The following OSBPL6 variants were observed in gnomAD, a reference collection of about 807,000 sequenced individuals.
OSBPL6 encodes oxysterol-binding protein-related protein 6.
OSBPL6 carries 49 observed loss-of-function variants against 125.8 expected under a neutral mutation model. That is an observed-to-expected ratio of 0.39 (90% CI 0.31 to 0.49). OSBPL6 has a LOEUF of 0.49. OSBPL6 is among the 20% of genes least tolerant of loss of function. The pLI, the probability that OSBPL6 is intolerant of heterozygous loss-of-function variation, is 0.88. For synonymous variants in OSBPL6, 394 were observed against 391.8 expected, an observed-to-expected ratio of 1.01 and a Z score of -0.07; for missense variants, 986 against 1,135.4, an observed-to-expected ratio of 0.87 and a Z score of 1.89.
chr2:178,210,812 C>CA (rs753869824), intron 1 of OSBPL6, among the ~76,000 whole-genome samples: 2,081 of 134,752 alleles, frequency 0.015, 22 homozygotes, highest in Non-Finnish European at 0.021. Context: ...GACAATGTTT[C>CA]AAAAAAAAAA....
intron 11 of OSBPL6, among the ~76,000 whole-genome samples, chr2:178,348,987 T>C (rs1415702877): frequency 6.6e-6 from 1 of 152,212 alleles, no homozygotes; most frequent in African/African-American, 2.4e-5. Flanking sequence ...TCTATAGTTA[T>C]TTCTCTCTGT....
Position 178,324,215 on chromosome 2 carries a change from C to T in OSBPL6, c.141C>T (p.Thr47=), listed in dbSNP as rs139099797. The change falls in exon 4 of 25, where the codon ACC becomes ACT. Residue 47 remains threonine, a synonymous_variant. Transcript: ENST00000190611. ...HILERTASSS[T]EPSVSRQLLE... ...TGGAGAGGACTGCTTCCTCTAGCACCGAGCCCTCTGTAAGTCGGCAATTGC... is the reference window on the plus strand; with the variant it reads ...TGGAGAGGACTGCTTCCTCTAGCACTGAGCCCTCTGTAAGTCGGCAATTGC... The T allele has an allele frequency of 2.1e-5, 33 of 1,582,848 alleles. No individual in the cohort carries two copies. The highest frequency in any genetic ancestry group is 3.3e-4 in the Middle Eastern group (2 of 6,022).
At chr2:178,282,076 A>G (rs2154031213) in intron 1 of OSBPL6, among the ~76,000 whole-genome samples, 1 of 152,340 alleles carries the variant, frequency 6.6e-6, no homozygotes, top group Middle Eastern at 3.4e-3. Context: ...CCTGACACAA[A>G]TAGAACTGAC....
At chr2:178,234,944 C>G (rs2090986743) in intron 1 of OSBPL6, among the ~76,000 whole-genome samples, 1 of 152,108 alleles carries the variant, frequency 6.6e-6, no homozygotes, top group South Asian at 2.1e-4. Flanking sequence ...TCTTGTTCTG[C>G]CTTGTCTGTG....
chr2:178,289,863 A>G (rs1306909969), intron 2 of OSBPL6, among the ~76,000 whole-genome samples: 1 of 152,188 alleles, frequency 6.6e-6, no homozygotes, highest in African/African-American at 2.4e-5. Flanking sequence ...TGGAAGTTAG[A>G]TCAAGAGGCT....
At chr2:178,357,174 A>T (rs535995190) in intron 12 of OSBPL6, among the ~76,000 whole-genome samples, 3 of 152,266 alleles carry the variant, frequency 2.0e-5, no homozygotes, top group Non-Finnish European at 4.4e-5. Flanking sequence ...GGACATAGGC[A>T]TGGGCAAGGA....
intron 2 of OSBPL6, among the ~76,000 whole-genome samples, chr2:178,299,970 G>C (rs1346422200): frequency 6.6e-6 from 1 of 152,116 alleles, no homozygotes; most frequent in African/African-American, 2.4e-5. Flanking sequence ...TTCTAATGAG[G>C]TTCCTCCAAA....
chr2:178,226,828 G>T (rs1255417585), intron 1 of OSBPL6, among the ~76,000 whole-genome samples: 1 of 152,126 alleles, frequency 6.6e-6, no homozygotes, highest in African/African-American at 2.4e-5. Flanking sequence ...AGAAAGAGAA[G>T]ATTTCTTAAG....
At position 178,383,129 on chromosome 2, in the gene OSBPL6, G is replaced by A; in HGVS notation, c.1727G>A (p.Arg576Lys). 6.2e-7 allele frequency: 1 copy of A among 1,614,170 alleles called. No individual in the cohort carries two copies. Among genetic ancestry groups the A allele is most frequent in the African/African-American group, 1.3e-5 (1 of 75,036 alleles). The change falls in exon 17 of 25, where the codon AGG becomes AAG. Residue 576 changes from arginine to lysine, a missense_variant. Arg to Lys is a conservative substitution (Grantham distance 26). Coordinates refer to ENST00000190611, the MANE Select transcript of OSBPL6 (RefSeq NM_032523.4). ...AACATTAACCTGTGGAATATCTTGA[G>A]GAACAACATTGGTAAAGACCTGTCT... ...TSNINLWNIL[R>K]NNIGKDLSKV...
chr2:178,365,733 A>T (rs1052545530), intron 13 of OSBPL6, among the ~76,000 whole-genome samples: 3 of 152,196 alleles, frequency 2.0e-5, no homozygotes, highest in Non-Finnish European at 2.9e-5. Flanking sequence ...ACACAAAAAC[A>T]TATATAATTC....
At chr2:178,361,067 T>C (rs552490351) in intron 12 of OSBPL6, among the ~76,000 whole-genome samples, 1 of 152,360 alleles carries the variant, frequency 6.6e-6, no homozygotes, top group South Asian at 2.1e-4. Flanking sequence ...GAGGGGGTGT[T>C]GTTTTTATTG....
intron 1 of OSBPL6, among the ~76,000 whole-genome samples, chr2:178,228,051 G>A (rs1384555139): frequency 6.6e-6 from 1 of 152,148 alleles, no homozygotes; most frequent in Admixed American, 6.6e-5. Flanking sequence ...ACTAGGACAA[G>A]TGGAAAAGAA....
chr2:178,208,310 G>C lies in OSBPL6; in HGVS notation c.-351+13636G>C, dbSNP rs1455754378. On this transcript the variant is annotated intron_variant, in intron 1 of 24. Transcript: ENST00000190611. Reference sequence around the variant, plus strand: ...AAAAAAAAAAAAAAAGAAAAAGAAAGAAAGAAACAAAGTGCCATCCAATAG... The same window carrying C: ...AAAAAAAAAAAAAAAGAAAAAGAAACAAAGAAACAAAGTGCCATCCAATAG... Among the ~76,000 whole-genome samples, 5 of 148,668 alleles carry C rather than the reference G, an allele frequency of 3.4e-5. No homozygotes were observed. In the East Asian group the frequency reaches 9.9e-4, roughly 29 times the overall value.
At position 178,349,383 on chromosome 2, in the gene OSBPL6, C is replaced by T. The variant is rs1271454176; in HGVS notation, c.1147C>T (p.Gln383Ter). Reference protein sequence around the residue: ...KLQEEFCLIAQKVHSLLKSAF... With the variant: ...KLQEEFCLIA ...GCAAGAAGAATTTTGTCTAATCGCA[C>T]AGAAAGGTAAGAACAAAAATAATGC... The change falls in exon 12 of 25, where the codon CAG (glutamine) becomes TAG (stop). Residue 383 changes from glutamine (Q) to a stop codon, truncating the protein, a stop_gained. Transcript: ENST00000190611. LOFTEE classifies it high-confidence loss of function. 6.2e-7 allele frequency: 1 copy of T among 1,614,020 alleles called. No homozygotes were observed. The highest frequency in any genetic ancestry group is 8.5e-7 in the Non-Finnish European group (1 of 1,179,956).
chr2:178,276,176 A>G (rs1278030299), intron 1 of OSBPL6, among the ~76,000 whole-genome samples: 1 of 152,134 alleles, frequency 6.6e-6, no homozygotes, highest in African/African-American at 2.4e-5. Flanking sequence ...AAATTTACCA[A>G]TCCCCTAGGC....
chr2:178,235,767 G>T (rs973856694), intron 1 of OSBPL6, among the ~76,000 whole-genome samples: 4 of 152,026 alleles, frequency 2.6e-5, no homozygotes, highest in African/African-American at 9.7e-5. Context: ...ATATGCCTAT[G>T]GCTTAACAAT....
At chr2:178,207,162 G>A (rs2089581554) in intron 1 of OSBPL6, among the ~76,000 whole-genome samples, 1 of 152,186 alleles carries the variant, frequency 6.6e-6, no homozygotes, top group African/African-American at 2.4e-5. Context: ...TGGTATACTG[G>A]TTTCCCATGG....
At chr2:178,199,600 T>C (rs1352929045) in intron 1 of OSBPL6, among the ~76,000 whole-genome samples, 1 of 151,334 alleles carries the variant, frequency 6.6e-6, no homozygotes, top group Non-Finnish European at 1.5e-5. Context: ...TTTTTTTTTT[T>C]CATTTGTTAA....
intron 1 of OSBPL6, among the ~76,000 whole-genome samples, chr2:178,273,150 C>T (rs1462888923): frequency 6.6e-6 from 1 of 152,032 alleles, no homozygotes; most frequent in Non-Finnish European, 1.5e-5. Context: ...AATTGCAAGA[C>T]GTTTCATTTG....
Sources: gnomAD v4.1 joint callset for allele counts (sites outside exome capture counted in the v4.1 genomes callset) on GRCh38, gnomAD v4.1.1 for gene constraint, MANE v1.5 for transcripts, NCBI Gene and HGNC (gene_info 2026-07-23, HGNC 2026-07-21) for gene names.